The following CADPS2 variants were observed in gnomAD, a reference collection of about 807,000 sequenced individuals.
CADPS2 encodes the protein calcium-dependent secretion activator 2.
A neutral mutation model predicts 172.5 loss-of-function variants in CADPS2; 93 were observed. The observed-to-expected ratio is 0.54, with a 90% CI of 0.46 to 0.64. The LOEUF (loss-of-function observed/expected upper bound fraction) is 0.64, where lower values mean the gene tolerates loss of function less well. CADPS2 is among the 30% of genes least tolerant of loss of function. CADPS2 has a pLI of 0.00. For synonymous variants in CADPS2, 546 were observed against 555.2 expected, an observed-to-expected ratio of 0.98 and a Z score of 0.23; for missense variants, 1,420 against 1,565.9, an observed-to-expected ratio of 0.91 and a Z score of 1.57.
At chr7:122,819,675 C>T (rs555361051) in intron 1 of CADPS2, among the ~76,000 whole-genome samples, 1 of 152,186 alleles carries the variant, frequency 6.6e-6, no homozygotes, top group South Asian at 2.1e-4. Flanking sequence ...TGCCCAGTTC[C>T]CTTATTAGGC....
chr7:122,387,452 C>T (rs1277792562), intron 23 of CADPS2, among the ~76,000 whole-genome samples: 4 of 151,908 alleles, frequency 2.6e-5, no homozygotes, highest in Non-Finnish European at 5.9e-5. Flanking sequence ...TAGAGTACCA[C>T]ATTTAATGGA....
intron 1 of CADPS2, among the ~76,000 whole-genome samples, chr7:122,824,572 T>TTA (rs1024486839): frequency 6.6e-6 from 1 of 152,212 alleles, no homozygotes; most frequent in Non-Finnish European, 1.5e-5. Context: ...CCTTTGCTCT[T>TTA]TATTTAGTTA....
At position 122,345,614 on chromosome 7, in the gene CADPS2, T is replaced by G; in HGVS notation, c.3572A>C (p.Glu1191Ala). 1 of 1,613,152 alleles carries G rather than the reference T, an allele frequency of 6.2e-7. No individual in the cohort carries two copies. The highest frequency in any genetic ancestry group is 1.3e-5 in the African/African-American group (1 of 75,030). Residue 1191 changes from glutamate to alanine, a missense_variant, in exon 28 of 30, where the codon GAA (glutamate) becomes GCA (alanine). Physicochemically the swap from Glu to Ala is moderately radical, Grantham distance 107. Coordinates refer to ENST00000449022, the MANE Select transcript of CADPS2 (RefSeq NM_017954.11). ...FVRQNQDILR[E>A]KVNEEMYIEK... ...TATATACATTTCCTCATTGACCTTT[T>G]CTCGAAGAATATCTTGGTTTTGCCG...
chr7:122,878,531 T>G (rs1246214394), intron 1 of CADPS2, among the ~76,000 whole-genome samples: 1 of 150,880 alleles, frequency 6.6e-6, no homozygotes, highest in African/African-American at 2.4e-5. Flanking sequence ...TCCCAGCTAC[T>G]CAGGAGGCTG....
chr7:122,406,666 A>G (rs1177010174), intron 20 of CADPS2, among the ~76,000 whole-genome samples: 1 of 152,202 alleles, frequency 6.6e-6, no homozygotes, highest in Admixed American at 6.5e-5. Flanking sequence ...TTATATAGGA[A>G]TAAAGAGTAG....
intron 1 of CADPS2, among the ~76,000 whole-genome samples, chr7:122,749,662 T>TA (rs1256132354): frequency 1.3e-5 from 2 of 152,132 alleles, no homozygotes; most frequent in African/African-American, 4.8e-5. Flanking sequence ...CCTTTTATAA[T>TA]AAAAATCATT....
intron 17 of CADPS2, among the ~76,000 whole-genome samples, chr7:122,429,778 A>G (rs2049637500): frequency 6.6e-6 from 1 of 152,154 alleles, no homozygotes; most frequent in Non-Finnish European, 1.5e-5. Context: ...TTAACTTCCT[A>G]AGGAGCCACA....
Position 122,622,722 on chromosome 7 carries a change from G to A in CADPS2, c.868-1005C>T, listed in dbSNP as rs73218240. Among the ~76,000 whole-genome samples the A allele has an allele frequency of 7.5e-3, 1,135 of 152,222 alleles. 7 individuals carry two copies. Among genetic ancestry groups the A allele is most frequent in the Non-Finnish European group, 0.012 (783 of 68,018 alleles). ...AAAATGACCACCAGTGCACAGAACC[G>A]GCTGGAGGATGAAAGCCTAAAGCAG... On this transcript the variant is annotated intron_variant, in intron 4 of 29. Coordinates refer to ENST00000449022, the MANE Select transcript of CADPS2 (RefSeq NM_017954.11).
chr7:122,684,551 G>A (rs997166950), intron 2 of CADPS2, among the ~76,000 whole-genome samples: 3 of 151,478 alleles, frequency 2.0e-5, no homozygotes, highest in Non-Finnish European at 4.4e-5. Context: ...TTATTGTTAT[G>A]CATTTTAGAA....
chr7:122,417,601 T>G (rs1257726617), intron 17 of CADPS2, among the ~76,000 whole-genome samples: 2 of 152,156 alleles, frequency 1.3e-5, no homozygotes, highest in African/African-American at 4.8e-5. Context: ...CAAAGAAGCA[T>G]GAAGTCAAGG....
At chr7:122,516,278 T>C (rs1009654585) in intron 8 of CADPS2, among the ~76,000 whole-genome samples, 2 of 152,160 alleles carry the variant, frequency 1.3e-5, no homozygotes, top group Non-Finnish European at 2.9e-5. Context: ...CTCATGCCTG[T>C]AGTCCCAGAA....
At chr7:122,723,972 G>C (rs1205284606) in intron 2 of CADPS2, among the ~76,000 whole-genome samples, 4 of 148,090 alleles carry the variant, frequency 2.7e-5, no homozygotes, top group African/African-American at 1.0e-4. Flanking sequence ...GGTGAGAACT[G>C]AACAATGAGA....
In CADPS2 at chr7:122,574,142, A is replaced by T. The variant is rs191304399; in HGVS notation, c.1335+7037T>A. On this transcript the variant is annotated intron_variant, in intron 7 of 29. Coordinates refer to ENST00000449022, the MANE Select transcript of CADPS2 (RefSeq NM_017954.11). The stretch of plus-strand genomic sequence containing the variant: ...TTGAGAAGCAGTAAACTCATGTTTT[A>T]AAAAAAAATGTGTATTTCTTGGGCT... Among the ~76,000 whole-genome samples, 593 of 151,188 alleles carry T rather than the reference A, an allele frequency of 3.9e-3. 1 individual carries two copies. The highest frequency in any genetic ancestry group is 6.0e-3 in the Non-Finnish European group (406 of 67,736).
At chr7:122,514,901 T>A (rs1208589275) in intron 8 of CADPS2, among the ~76,000 whole-genome samples, 1 of 152,180 alleles carries the variant, frequency 6.6e-6, no homozygotes, top group African/African-American at 2.4e-5. Flanking sequence ...TAGTTAATGA[T>A]TTGGAACTTG....
At chr7:122,506,191 G>A (rs751086678) in intron 9 of CADPS2, among the ~76,000 whole-genome samples, 3 of 152,058 alleles carry the variant, frequency 2.0e-5, no homozygotes, top group African/African-American at 2.4e-5. Context: ...ATTCTGATCC[G>A]GTATTTGTTT....
At chr7:122,396,774 C>G (rs2045195308) in intron 20 of CADPS2, among the ~76,000 whole-genome samples, 1 of 152,158 alleles carries the variant, frequency 6.6e-6, no homozygotes, top group African/African-American at 2.4e-5. Context: ...TGGTTCTTGT[C>G]ATACAAGTGG....
chr7:122,415,724 C>G (rs866822671), intron 18 of CADPS2, among the ~76,000 whole-genome samples: 24 of 152,054 alleles, frequency 1.6e-4, no homozygotes, highest in African/African-American at 5.8e-4. Context: ...CTCTTGTGGT[C>G]ATTAACTTTC....
chr7:122,744,631 G>A (rs1395436441), intron 1 of CADPS2, among the ~76,000 whole-genome samples: 7 of 152,084 alleles, frequency 4.6e-5, no homozygotes, highest in Non-Finnish European at 8.8e-5. Context: ...TTGACAGGAC[G>A]ATTTAAAAGC....
At chr7:122,730,956 C>T (rs567517011) in intron 2 of CADPS2, among the ~76,000 whole-genome samples, 1 of 149,524 alleles carries the variant, frequency 6.7e-6, no homozygotes, top group African/African-American at 2.5e-5. Flanking sequence ...AAAATGAGTA[C>T]TGTTCCCCAA....
Sources: allele counts gnomAD v4.1 joint callset (sites outside exome capture counted in the v4.1 genomes callset), GRCh38; gene constraint gnomAD v4.1.1; transcripts MANE v1.5; gene names NCBI Gene and HGNC (gene_info 2026-07-23, HGNC 2026-07-21).